INPP4B: variants seen among roughly 807,000 people sequenced by gnomAD.
The protein encoded by INPP4B is inositol polyphosphate 4-phosphatase type II.
In INPP4B, 55 loss-of-function variants were observed where a neutral mutation model predicts 122.5. The ratio of observed to expected loss-of-function variants is 0.45; its 90% confidence interval spans 0.36 to 0.56. The LOEUF (loss-of-function observed/expected upper bound fraction) is 0.56. INPP4B is among the 20% of genes least tolerant of loss of function. The pLI is 0.00. For synonymous variants in INPP4B, 403 were observed against 388.7 expected, an observed-to-expected ratio of 1.04 and a Z score of -0.43; for missense variants, 1,000 against 1,097.7, an observed-to-expected ratio of 0.91 and a Z score of 1.26.
intron 1 of INPP4B, among the ~76,000 whole-genome samples, chr4:142,804,631 C>A (rs553218709): frequency 6.6e-6 from 1 of 152,208 alleles, no homozygotes; most frequent in South Asian, 2.1e-4. Context: ...TTTGATATCA[C>A]CTTCTAGAAC....
intron 25 of INPP4B, among the ~76,000 whole-genome samples, chr4:142,060,753 G>A (rs973972947): frequency 6.6e-6 from 1 of 152,146 alleles, no homozygotes; most frequent in African/African-American, 2.4e-5. Flanking sequence ...CCCTGGCCAA[G>A]GGGTCTCAGG....
At chr4:142,630,986 T>C (rs1747815319) in intron 2 of INPP4B, among the ~76,000 whole-genome samples, 1 of 152,120 alleles carries the variant, frequency 6.6e-6, no homozygotes, top group Admixed American at 6.6e-5. Flanking sequence ...GGAGCTAACA[T>C]AAATCCTCTC....
intron 12 of INPP4B, among the ~76,000 whole-genome samples, chr4:142,220,009 G>A (rs989421372): frequency 5.9e-5 from 9 of 152,154 alleles, no homozygotes; most frequent in Admixed American, 4.6e-4. Flanking sequence ...GTAGCCACAT[G>A]ACTATCCTAT....
At chr4:142,539,699 T>G (rs1553954553) in intron 2 of INPP4B, among the ~76,000 whole-genome samples, 1 of 152,040 alleles carries the variant, frequency 6.6e-6, no homozygotes, top group Non-Finnish European at 1.5e-5. Flanking sequence ...CCAGCTCTGA[T>G]GTTACATATT....
At chr4:142,077,501 A>G (rs1406881962) in intron 25 of INPP4B, among the ~76,000 whole-genome samples, 1 of 151,944 alleles carries the variant, frequency 6.6e-6, no homozygotes, top group African/African-American at 2.4e-5. Flanking sequence ...AAATCCAGTC[A>G]AATTTATTAT....
intron 25 of INPP4B, among the ~76,000 whole-genome samples, chr4:142,071,402 T>A (rs1461904289): frequency 2.0e-5 from 3 of 152,006 alleles, no homozygotes; most frequent in African/African-American, 7.2e-5. Context: ...AACCTAGGCA[T>A]TACCATTCAG....
intron 25 of INPP4B, among the ~76,000 whole-genome samples, chr4:142,060,016 A>G (rs1394710894): frequency 6.6e-6 from 1 of 152,184 alleles, no homozygotes; most frequent in African/African-American, 2.4e-5. Flanking sequence ...GGCTTAACTC[A>G]AGAATTAACC....
chr4:142,165,139 C>A (rs552367734), intron 16 of INPP4B, among the ~76,000 whole-genome samples: 1 of 151,820 alleles, frequency 6.6e-6, no homozygotes, highest in South Asian at 2.1e-4. Context: ...CATTGCAAAG[C>A]CCTTAGAGTT....
At chr4:142,319,395 T>C (rs1235157428) in intron 7 of INPP4B, among the ~76,000 whole-genome samples, 1 of 152,220 alleles carries the variant, frequency 6.6e-6, no homozygotes, top group Non-Finnish European at 1.5e-5. Flanking sequence ...ATTCTCTATG[T>C]ACCTCAAATT....
intron 2 of INPP4B, among the ~76,000 whole-genome samples, chr4:142,623,718 C>G (rs550801237): frequency 6.7e-6 from 1 of 149,994 alleles, no homozygotes; most frequent in South Asian, 2.1e-4. Context: ...TCCCTCCCCC[C>G]TCACCCCACC....
intron 2 of INPP4B, among the ~76,000 whole-genome samples, chr4:142,528,680 C>A (rs1827224223): frequency 6.6e-6 from 1 of 152,082 alleles, no homozygotes. Context: ...ATCAGTGAGA[C>A]CAAGTCAGAA....
chr4:142,052,815 C>T (rs758757894), intron 25 of INPP4B, among the ~76,000 whole-genome samples: 3 of 152,032 alleles, frequency 2.0e-5, no homozygotes, highest in Non-Finnish European at 2.9e-5. Context: ...CCTAGGTACT[C>T]TCTATAAGCC....
intron 1 of INPP4B, among the ~76,000 whole-genome samples, chr4:142,746,292 A>G (rs1044620843): frequency 3.3e-5 from 5 of 152,112 alleles, no homozygotes; most frequent in Non-Finnish European, 7.4e-5. Flanking sequence ...ACAGAATAAC[A>G]TACCTAGGAA....
In INPP4B at chr4:142,729,726, T is replaced by C. The variant is rs79923604; in HGVS notation, c.-253-3825A>G. Among the ~76,000 whole-genome samples the C allele has an allele frequency of 4.3e-3, 649 of 152,266 alleles. 6 individuals carry two copies. The highest frequency in any genetic ancestry group is 0.015 in the African/African-American group (621 of 41,558). On this transcript the variant is annotated intron_variant, in intron 1 of 25. Coordinates refer to ENST00000262992, the MANE Select transcript of INPP4B (RefSeq NM_001101669.3). ...ATGCAGGTCATACTGTCTCACTTTG[T>C]TACTTACTTCATCCACAGTCACTAG...
chr4:142,044,309 A>G (rs1750050650), intron 25 of INPP4B, among the ~76,000 whole-genome samples: 1 of 152,114 alleles, frequency 6.6e-6, no homozygotes, highest in South Asian at 2.1e-4. Flanking sequence ...GGAGGGCAAA[A>G]CTGGGGGAAT....
intron 2 of INPP4B, among the ~76,000 whole-genome samples, chr4:142,670,540 T>A (rs1020873443): frequency 9.2e-5 from 14 of 151,942 alleles, no homozygotes; most frequent in Non-Finnish European, 1.6e-4. Context: ...GTGAAATAAG[T>A]CAGGCACAAA....
chr4:142,118,263 T>A (rs1300482202), intron 21 of INPP4B, among the ~76,000 whole-genome samples: 1 of 152,142 alleles, frequency 6.6e-6, no homozygotes, highest in Non-Finnish European at 1.5e-5. Context: ...AAGCTACCAA[T>A]GACTTTCTTC....
intron 2 of INPP4B, among the ~76,000 whole-genome samples, chr4:142,546,668 A>C (rs1247194615): frequency 6.6e-6 from 1 of 152,176 alleles, no homozygotes; most frequent in Non-Finnish European, 1.5e-5. Context: ...TAATATTGTT[A>C]ATTTGAAATA....
At chr4:142,577,813 C>A (rs1018286704) in intron 2 of INPP4B, among the ~76,000 whole-genome samples, 1 of 151,936 alleles carries the variant, frequency 6.6e-6, no homozygotes, top group Non-Finnish European at 1.5e-5. Flanking sequence ...TGTTGGTCAG[C>A]GGATGCCCTC....
Sources: gnomAD v4.1 joint callset for allele counts (sites outside exome capture counted in the v4.1 genomes callset) on GRCh38, gnomAD v4.1.1 for gene constraint, MANE v1.5 for transcripts, NCBI Gene and HGNC (gene_info 2026-07-23, HGNC 2026-07-21) for gene names.